The following RAB3C variants were observed in gnomAD, a reference collection of about 807,000 sequenced individuals.
RAB3C encodes the protein RAB3C, member RAS oncogene family.
RAB3C carries 17 observed loss-of-function variants against 26.4 expected under a neutral mutation model. That is an observed-to-expected ratio of 0.64 (90% CI 0.44 to 0.97). The LOEUF is 0.97. Among genes scored for constraint, RAB3C ranks in the 50% least tolerant of loss-of-function variants. The pLI, the probability that RAB3C is intolerant of heterozygous loss-of-function variation, is 0.00. For synonymous variants in RAB3C, 91 were observed against 95.9 expected, an observed-to-expected ratio of 0.95 and a Z score of 0.30; for missense variants, 242 against 281.9, an observed-to-expected ratio of 0.86 and a Z score of 1.01.
At chr5:58,651,103 A>T (rs1747638801) in intron 2 of RAB3C, among the ~76,000 whole-genome samples, 1 of 152,198 alleles carries the variant, frequency 6.6e-6, no homozygotes, top group African/African-American at 2.4e-5. Context: ...GACCCTATTT[A>T]AAATCAGGTT....
intron 2 of RAB3C, among the ~76,000 whole-genome samples, chr5:58,724,955 A>G (rs1037056695): frequency 2.6e-5 from 4 of 151,848 alleles, no homozygotes; most frequent in Non-Finnish European, 1.5e-5. Context: ...TGGGCTTCAT[A>G]CTAGAGTTAT....
intron 2 of RAB3C, among the ~76,000 whole-genome samples, chr5:58,715,037 C>T (rs1400167305): frequency 6.6e-6 from 1 of 151,958 alleles, no homozygotes; most frequent in East Asian, 1.9e-4. Context: ...TGTAGTTTCT[C>T]ATTTATAAAT....
chr5:58,767,588 CT>C (rs1200641750), intron 3 of RAB3C, among the ~76,000 whole-genome samples: 4 of 152,088 alleles, frequency 2.6e-5, no homozygotes, highest in Non-Finnish European at 5.9e-5. Context: ...AACATTTCCT[CT>C]TTTTTTGGCA....
intron 2 of RAB3C, among the ~76,000 whole-genome samples, chr5:58,710,078 G>T (rs1393123548): frequency 6.6e-6 from 1 of 152,098 alleles, no homozygotes; most frequent in Admixed American, 6.6e-5. Context: ...CAGACAAATA[G>T]GCTTAATATT....
At chr5:58,807,524 C>G (rs1011692646) in intron 3 of RAB3C, among the ~76,000 whole-genome samples, 1 of 152,138 alleles carries the variant, frequency 6.6e-6, no homozygotes. Flanking sequence ...CTGGGAAGTC[C>G]AAGATCAAGG....
chr5:58,637,682 A>G (rs2111761490), intron 2 of RAB3C, among the ~76,000 whole-genome samples: 1 of 152,290 alleles, frequency 6.6e-6, no homozygotes, highest in Non-Finnish European at 1.5e-5. Flanking sequence ...GATTTTTTGG[A>G]AAGATGATTA....
chr5:58,637,168 A>C (rs913029697), intron 2 of RAB3C, among the ~76,000 whole-genome samples: 2 of 149,364 alleles, frequency 1.3e-5, no homozygotes, highest in African/African-American at 5.0e-5. Context: ...CCCTGATGTC[A>C]CAAAAGTGTC....
Position 58,696,737 on chromosome 5 carries a change from A to T in RAB3C, c.253-29265A>T, listed in dbSNP as rs569806669. Among the ~76,000 whole-genome samples the T allele has an allele frequency of 2.0e-5, 3 of 152,256 alleles. No individual in the cohort carries two copies. In the East Asian group the frequency reaches 5.8e-4, roughly 29 times the overall value. On this transcript the variant is annotated intron_variant, in intron 2 of 4. Coordinates refer to ENST00000282878, the MANE Select transcript of RAB3C (RefSeq NM_138453.4). Reference sequence around the variant, plus strand: ...GATGTTTATAGTATTCTCTGATGGTAGTTTGTATTTCTATGGGATTGCTGG... The same window carrying T: ...GATGTTTATAGTATTCTCTGATGGTTGTTTGTATTTCTATGGGATTGCTGG...
chr5:58,789,239 G>A (rs73088907), intron 3 of RAB3C, among the ~76,000 whole-genome samples: 11,050 of 151,980 alleles, frequency 0.073, 575 homozygotes, highest in African/African-American at 0.14. Flanking sequence ...TTTAGAGCCC[G>A]TTCTTCTCAC....
chr5:58,789,502 A>G (rs1423372), intron 3 of RAB3C, among the ~76,000 whole-genome samples: 4,107 of 152,266 alleles, frequency 0.027, 167 homozygotes, highest in African/African-American at 0.092. Context: ...TATTGGAAGT[A>G]TCTCATTTAT....
chr5:58,733,070 A>G (rs1429888120), intron 3 of RAB3C, among the ~76,000 whole-genome samples: 1 of 152,148 alleles, frequency 6.6e-6, no homozygotes, highest in East Asian at 1.9e-4. Context: ...ACTACCCAGT[A>G]TATGTTACAA....
intron 3 of RAB3C, among the ~76,000 whole-genome samples, chr5:58,768,421 G>A (rs1475931375): frequency 1.6e-5 from 2 of 123,938 alleles, no homozygotes; most frequent in African/African-American, 2.6e-5. Flanking sequence ...TGCCTAATAC[G>A]TACCAGCCAC....
chr5:58,823,974 T>C (rs1228632797), intron 3 of RAB3C, among the ~76,000 whole-genome samples: 1 of 148,114 alleles, frequency 6.8e-6, no homozygotes, highest in East Asian at 2.1e-4. Flanking sequence ...GAACATGCGG[T>C]GTTTGGTTTT....
At chr5:58,835,931 C>G (rs947939851) in intron 4 of RAB3C, among the ~76,000 whole-genome samples, 1 of 152,184 alleles carries the variant, frequency 6.6e-6, no homozygotes, top group Non-Finnish European at 1.5e-5. Flanking sequence ...CAGAAACCAT[C>G]TCTGTTCATC....
At chr5:58,667,122 A>G (rs1748018763) in intron 2 of RAB3C, among the ~76,000 whole-genome samples, 1 of 152,178 alleles carries the variant, frequency 6.6e-6, no homozygotes, top group Non-Finnish European at 1.5e-5. Context: ...ACCATATCAT[A>G]TCAATTGGAA....
rs533890622 is a variant in RAB3C at position 58,734,900 on chromosome 5, C to T, written c.371+8780C>T. Among the ~76,000 whole-genome samples, 10 of 152,346 alleles carry T rather than the reference C, an allele frequency of 6.6e-5. No homozygotes were observed. The South Asian group carries it at 1.9e-3, about 28-fold the overall frequency. On this transcript the variant is annotated intron_variant, in intron 3 of 4. Transcript: ENST00000282878. Reference sequence around the variant, plus strand: ...GAATTATTGTCCCAGAAGGGAATTACAAGGCTGTTGTCCTGCAAGCCTCCA... The same window carrying T: ...GAATTATTGTCCCAGAAGGGAATTATAAGGCTGTTGTCCTGCAAGCCTCCA...
At chr5:58,662,167 T>C (rs1375458722) in intron 2 of RAB3C, among the ~76,000 whole-genome samples, 1 of 149,994 alleles carries the variant, frequency 6.7e-6, no homozygotes, top group Non-Finnish European at 1.5e-5. Flanking sequence ...GAAGAGGATA[T>C]TGTGCCCTTT....
At chr5:58,597,172 A>G (rs1746326282) in intron 1 of RAB3C, among the ~76,000 whole-genome samples, 1 of 96,018 alleles carries the variant, frequency 1.0e-5, no homozygotes. Flanking sequence ...ATATAATAAT[A>G]TATACTACAT....
intron 1 of RAB3C, among the ~76,000 whole-genome samples, chr5:58,607,594 C>G (rs920171413): frequency 5.3e-5 from 8 of 152,142 alleles, no homozygotes; most frequent in Non-Finnish European, 1.5e-5. Flanking sequence ...GAATCACAAC[C>G]CCAAGACACA....
Sources: allele counts gnomAD v4.1 joint callset (sites outside exome capture counted in the v4.1 genomes callset), GRCh38; gene constraint gnomAD v4.1.1; transcripts MANE v1.5; gene names NCBI Gene and HGNC (gene_info 2026-07-23, HGNC 2026-07-21).